MACROD2: variants seen among roughly 807,000 people sequenced by gnomAD.
The protein encoded by MACROD2 is mono-ADP ribosylhydrolase 2, also known as ADP-ribose glycohydrolase MACROD2.
Under a neutral mutation model 70.4 loss-of-function variants are expected in MACROD2, and 36 were observed. The ratio of observed to expected loss-of-function variants is 0.51; its 90% confidence interval spans 0.39 to 0.68. The LOEUF (loss-of-function observed/expected upper bound fraction) is 0.68. MACROD2 is among the 30% of genes least tolerant of loss of function. The pLI is 0.00. For synonymous variants in MACROD2, 172 were observed against 178.8 expected, an observed-to-expected ratio of 0.96 and a Z score of 0.30; for missense variants, 496 against 538.4, an observed-to-expected ratio of 0.92 and a Z score of 0.78.
chr20:15,732,630 A>C (rs2050961056), intron 8 of MACROD2, among the ~76,000 whole-genome samples: 1 of 144,496 alleles, frequency 6.9e-6, no homozygotes, highest in South Asian at 2.3e-4. Flanking sequence ...ATGTTGAATC[A>C]TTTGTGAATA....
At chr20:15,221,270 G>A (rs2076859107) in intron 5 of MACROD2, among the ~76,000 whole-genome samples, 1 of 152,130 alleles carries the variant, frequency 6.6e-6, no homozygotes. Context: ...CAGTCATATT[G>A]TCTATTTGGA....
At chr20:14,741,031 C>T (rs920270759) in intron 5 of MACROD2, among the ~76,000 whole-genome samples, 1 of 152,118 alleles carries the variant, frequency 6.6e-6, no homozygotes, top group Non-Finnish European at 1.5e-5. Context: ...AGCAAATCAT[C>T]CAGAAATAAT....
At position 15,777,506 on chromosome 20, in the gene MACROD2, CTTCT is replaced by C. The variant is rs202225431; in HGVS notation, c.646-85235_646-85232del. Among the ~76,000 whole-genome samples, 339 of 54,382 alleles carry C rather than the reference CTTCT, an allele frequency of 6.2e-3. 1 individual carries two copies. Among genetic ancestry groups the C allele is most frequent in the East Asian group, 0.041 (45 of 1,096 alleles). The allele number at this position is 54,382 out of a possible 152,430, so 35.7% of individuals were successfully genotyped here. Reference sequence around the variant, plus strand: ...GTTGATTCTTTTTTTTCCTTCCTTCCTTCTTTCCTTCCTTCCTTCCTTCCTTCCT... The same window carrying C: ...GTTGATTCTTTTTTTTCCTTCCTTCCTTCCTTCCTTCCTTCCTTCCTTCCT... On this transcript the variant is annotated intron_variant, in intron 8 of 17. Transcript: ENST00000684519.
intron 5 of MACROD2, among the ~76,000 whole-genome samples, chr20:14,856,934 G>A (rs2073261138): frequency 6.6e-6 from 1 of 151,952 alleles, no homozygotes; most frequent in African/African-American, 2.4e-5. Context: ...AATATATAAT[G>A]TCACATGCGT....
intron 3 of MACROD2, among the ~76,000 whole-genome samples, chr20:14,259,752 G>T (rs936465162): frequency 3.9e-5 from 6 of 152,198 alleles, no homozygotes; most frequent in Non-Finnish European, 5.9e-5. Context: ...AATTAATGGA[G>T]TATACTATGG....
Position 15,567,440 on chromosome 20 carries a change from C to T in MACROD2, c.645+67593C>T, listed in dbSNP as rs1385536898. ...GCTCAGCACTTGAGATGCCAGGACG[C>T]GCTGCCAACACCTGGGAATAATAGA... On this transcript the variant is annotated intron_variant, in intron 8 of 17. Coordinates refer to ENST00000684519, the MANE Select transcript of MACROD2 (RefSeq NM_001351661.2). Among the ~76,000 whole-genome samples, 8 of 152,170 alleles carry T rather than the reference C, an allele frequency of 5.3e-5. No homozygotes were observed. The East Asian group carries it at 9.7e-4, about 18-fold the overall frequency.
rs946453301 is a variant in MACROD2 at position 14,368,307 on chromosome 20, CT to C, written c.272-125169del. On this transcript the variant is annotated intron_variant, in intron 3 of 17. Coordinates refer to ENST00000684519, the MANE Select transcript of MACROD2 (RefSeq NM_001351661.2). ...GTGGCTCACGCCTGTAATTGCAGCA[CT>C]TTGGGAGGCCGAGGTGGGCGGATCA... is the stretch of plus-strand genomic sequence containing the variant. Among the ~76,000 whole-genome samples, 14 of 152,288 alleles carry C rather than the reference CT, an allele frequency of 9.2e-5. No individual in the cohort carries two copies. In the East Asian group the frequency reaches 2.7e-3, roughly 29 times the overall value.
chr20:15,826,832 C>T (rs1188477404), intron 8 of MACROD2, among the ~76,000 whole-genome samples: 2 of 152,160 alleles, frequency 1.3e-5, no homozygotes, highest in East Asian at 1.9e-4. Context: ...GTGTTTGCTA[C>T]GGTCCTTCTA....
chr20:14,528,695 A>T (rs1458628198), intron 4 of MACROD2, among the ~76,000 whole-genome samples: 2 of 151,484 alleles, frequency 1.3e-5, no homozygotes, highest in Non-Finnish European at 2.9e-5. Context: ...TCTCGATCTC[A>T]TTTGTGGATT....
chr20:15,680,956 TA>T (rs1318624534), intron 8 of MACROD2, among the ~76,000 whole-genome samples: 2 of 152,200 alleles, frequency 1.3e-5, no homozygotes, highest in African/African-American at 4.8e-5. Flanking sequence ...CTCCCCAGTG[TA>T]CCACAAAGGA....
intron 2 of MACROD2, among the ~76,000 whole-genome samples, chr20:14,080,012 G>A (rs1383533544): frequency 1.3e-5 from 2 of 152,158 alleles, no homozygotes; most frequent in African/African-American, 2.4e-5. Context: ...GGTAAGGAAG[G>A]TCACTTCCTG....
In MACROD2 at chr20:14,980,141, A is replaced by G. The variant is rs375689171; in HGVS notation, c.419-249799A>G. On this transcript the variant is annotated intron_variant, in intron 5 of 17. Coordinates refer to ENST00000684519, the MANE Select transcript of MACROD2 (RefSeq NM_001351661.2). ...TGTCCTCCTAAAAACTTATTTTGAA[A>G]TTTCATCCTGAAGGTGGAAGTATTG... Among the ~76,000 whole-genome samples the G allele has an allele frequency of 6.0e-4, 91 of 152,234 alleles. 1 individual carries two copies. In the East Asian group the frequency reaches 0.013, roughly 21 times the overall value.
intron 5 of MACROD2, among the ~76,000 whole-genome samples, chr20:14,874,219 AAAATCACAG>A (rs1217656710): frequency 2.0e-5 from 3 of 152,002 alleles, no homozygotes; most frequent in African/African-American, 7.2e-5. Context: ...TAATTGTACA[AAAATCACAG>A]AACCAGTAAA....
intron 4 of MACROD2, among the ~76,000 whole-genome samples, chr20:14,512,391 G>C (rs140320591): frequency 7.2e-5 from 11 of 152,178 alleles, no homozygotes; most frequent in African/African-American, 2.6e-4. Context: ...ACCAAGGCTT[G>C]GGGGTGGAAG....
At chr20:15,376,773 C>G (rs2045568192) in intron 6 of MACROD2, among the ~76,000 whole-genome samples, 1 of 152,220 alleles carries the variant, frequency 6.6e-6, no homozygotes, top group South Asian at 2.1e-4. Context: ...AGTTCAAAGT[C>G]AGACAACTAG....
chr20:15,587,035 A>G (rs1477327278), intron 8 of MACROD2, among the ~76,000 whole-genome samples: 3 of 152,198 alleles, frequency 2.0e-5, no homozygotes, highest in South Asian at 2.1e-4. Flanking sequence ...TATAATTCCA[A>G]TAAAATACTA....
At chr20:15,462,624 T>C (rs557907909) in intron 7 of MACROD2, among the ~76,000 whole-genome samples, 31 of 152,348 alleles carry the variant, frequency 2.0e-4, no homozygotes, top group Admixed American at 5.2e-4. Context: ...ATGCAAGTGA[T>C]ATTTTGTTTT....
At chr20:15,603,379 G>A (rs139846369) in intron 8 of MACROD2, among the ~76,000 whole-genome samples, 2,975 of 151,714 alleles carry the variant, frequency 0.02, 89 homozygotes, top group African/African-American at 0.068. Context: ...ATGGTGGTAC[G>A]CACCTGTAGT....
chr20:14,647,374 T>A (rs1192769263), intron 4 of MACROD2, among the ~76,000 whole-genome samples: 2 of 152,132 alleles, frequency 1.3e-5, no homozygotes, highest in Non-Finnish European at 2.9e-5. Flanking sequence ...CAGATGATTG[T>A]TTTTGGGTAC....
Sources: gnomAD v4.1 joint callset for allele counts (sites outside exome capture counted in the v4.1 genomes callset) on GRCh38, gnomAD v4.1.1 for gene constraint, MANE v1.5 for transcripts, NCBI Gene and HGNC (gene_info 2026-07-23, HGNC 2026-07-21) for gene names.